The following SNTG1 variants were observed in gnomAD, a reference collection of about 807,000 sequenced individuals.
SNTG1 encodes the protein syntrophin gamma 1, also known as gamma-1-syntrophin.
A neutral mutation model predicts 74.7 loss-of-function variants in SNTG1; 39 were observed. The observed-to-expected ratio is 0.52, with a 90% CI of 0.40 to 0.68. The LOEUF (loss-of-function observed/expected upper bound fraction) is 0.68, where lower values mean the gene tolerates loss of function less well. Among genes scored for constraint, SNTG1 ranks in the 30% least tolerant of loss-of-function variants. The pLI is 0.00. For synonymous variants in SNTG1, 254 were observed against 217.1 expected (o/e 1.17, Z -1.49); for missense variants, 685 against 609.5 (o/e 1.12, Z -1.30).
intron 2 of SNTG1, among the ~76,000 whole-genome samples, chr8:50,266,684 GTATA>G (rs1554623724): frequency 8.0e-5 from 11 of 136,804 alleles, no homozygotes; most frequent in African/African-American, 2.9e-4. Context: ...GTGTGTGTGT[GTATA>G]TATATATATA....
intron 2 of SNTG1, among the ~76,000 whole-genome samples, chr8:50,238,648 T>G (rs984638245): frequency 3.9e-5 from 6 of 152,156 alleles, no homozygotes; most frequent in African/African-American, 1.4e-4. Context: ...AAGTGGGACC[T>G]AATTAAGCTA....
chr8:50,742,576 T>A (rs960177034), intron 17 of SNTG1, among the ~76,000 whole-genome samples: 2 of 151,342 alleles, frequency 1.3e-5, no homozygotes, highest in African/African-American at 4.8e-5. Flanking sequence ...CAAAAACTCA[T>A]CTAAAAATAA....
chr8:50,452,080 T>A (rs1220071385), intron 8 of SNTG1, among the ~76,000 whole-genome samples: 1 of 152,192 alleles, frequency 6.6e-6, no homozygotes, highest in Non-Finnish European at 1.5e-5. Context: ...ACCTCAAGTG[T>A]CTGTGAAAAG....
chr8:50,056,500 C>A (rs1191696737), intron 1 of SNTG1, among the ~76,000 whole-genome samples: 1 of 152,174 alleles, frequency 6.6e-6, no homozygotes, highest in African/African-American at 2.4e-5. Context: ...AGTTTGGAAT[C>A]ATCTTTCAAG....
At chr8:49,936,056 C>T (rs2129364835) in intron 1 of SNTG1, among the ~76,000 whole-genome samples, 2 of 152,098 alleles carry the variant, frequency 1.3e-5, no homozygotes, top group Admixed American at 1.3e-4. Context: ...TGTTTATGAA[C>T]ACTGAAAAAA....
intron 1 of SNTG1, among the ~76,000 whole-genome samples, chr8:50,002,334 C>G (rs1019283639): frequency 6.6e-6 from 1 of 151,864 alleles, no homozygotes; most frequent in South Asian, 2.1e-4. Context: ...TCCCAAGTAC[C>G]TTGTGATCTT....
At chr8:50,052,274 C>CT (rs1472843543) in intron 1 of SNTG1, among the ~76,000 whole-genome samples, 1 of 151,994 alleles carries the variant, frequency 6.6e-6, no homozygotes, top group Non-Finnish European at 1.5e-5. Flanking sequence ...CAGTTTTACA[C>CT]TAAAATTCAT....
Position 50,355,766 on chromosome 8 carries a change from A to G in SNTG1, c.-27-38446A>G, listed in dbSNP as rs2091800381. ...TTCCTATGGTATAAGAGGAAAGAGG[A>G]TTTCATTTTAAGACAATAAAACCCT... On this transcript the variant is annotated intron_variant, in intron 2 of 18. Coordinates refer to ENST00000642720, the MANE Select transcript of SNTG1 (RefSeq NM_018967.5). 2.0e-5 allele frequency among the ~76,000 whole-genome samples: 3 copies of G among 152,288 alleles called. No individual in the cohort carries two copies. In the South Asian group the frequency reaches 6.2e-4, roughly 32 times the overall value.
At chr8:50,483,918 C>T (rs1396738939) in intron 8 of SNTG1, among the ~76,000 whole-genome samples, 3 of 152,046 alleles carry the variant, frequency 2.0e-5, no homozygotes, top group Non-Finnish European at 4.4e-5. Flanking sequence ...AAATGTGGTA[C>T]ATAGTTTTCA....
chr8:49,935,989 CGAATT>C (rs1808048966), intron 1 of SNTG1, among the ~76,000 whole-genome samples: 1 of 151,940 alleles, frequency 6.6e-6, no homozygotes, highest in Admixed American at 6.6e-5. Flanking sequence ...TTTAAAGGGA[CGAATT>C]GATTATGTGA....
chr8:50,461,477 A>G (rs1485137866), intron 8 of SNTG1, among the ~76,000 whole-genome samples: 1 of 152,084 alleles, frequency 6.6e-6, no homozygotes, highest in Non-Finnish European at 1.5e-5. Context: ...CTATCTACAT[A>G]ATTATTTAGA....
At chr8:50,472,673 C>G (rs1044146733) in intron 8 of SNTG1, among the ~76,000 whole-genome samples, 1 of 151,960 alleles carries the variant, frequency 6.6e-6, no homozygotes, top group Admixed American at 6.6e-5. Context: ...ATAAATTGTA[C>G]TAAATCAAAA....
chr8:49,950,101 T>A (rs1192961855), intron 1 of SNTG1, among the ~76,000 whole-genome samples: 2 of 152,276 alleles, frequency 1.3e-5, no homozygotes, highest in East Asian at 3.9e-4. Flanking sequence ...CACTCCAGTC[T>A]GAGATACAGA....
At chr8:50,478,712 T>G (rs1421794855) in intron 8 of SNTG1, among the ~76,000 whole-genome samples, 1 of 152,182 alleles carries the variant, frequency 6.6e-6, no homozygotes, top group Non-Finnish European at 1.5e-5. Context: ...GCTCTGTTAT[T>G]TAAATGTTGG....
intron 2 of SNTG1, among the ~76,000 whole-genome samples, chr8:50,274,531 T>A (rs76661173): frequency 1.3e-5 from 2 of 152,144 alleles, no homozygotes; most frequent in Non-Finnish European, 2.9e-5. Context: ...AATTTGTATA[T>A]TTTAAAATTT....
intron 8 of SNTG1, among the ~76,000 whole-genome samples, chr8:50,501,611 ATTTTTTTTTT>A (rs57220646): frequency 7.5e-6 from 1 of 134,150 alleles, no homozygotes; most frequent in Non-Finnish European, 1.7e-5. Flanking sequence ...ATTTTTTTTT[ATTTTTTTTTT>A]TTTTTTTTGT....
At chr8:50,203,351 A>T (rs1240875786) in intron 2 of SNTG1, among the ~76,000 whole-genome samples, 1 of 152,062 alleles carries the variant, frequency 6.6e-6, no homozygotes, top group African/African-American at 2.4e-5. Flanking sequence ...AGGTAAGACA[A>T]TCTCAGCTGT....
intron 12 of SNTG1, among the ~76,000 whole-genome samples, chr8:50,582,465 T>C (rs1278653230): frequency 1.3e-5 from 2 of 152,100 alleles, no homozygotes; most frequent in African/African-American, 4.8e-5. Flanking sequence ...CTGATAAGTA[T>C]CCTCTATACT....
At chr8:50,579,223 G>C (rs1246523795) in intron 12 of SNTG1, among the ~76,000 whole-genome samples, 7 of 152,172 alleles carry the variant, frequency 4.6e-5, no homozygotes, top group Non-Finnish European at 1.0e-4. Context: ...TATTCAATGA[G>C]ACTGGTGGCA....
Sources: allele counts gnomAD v4.1 joint callset (sites outside exome capture counted in the v4.1 genomes callset), GRCh38; gene constraint gnomAD v4.1.1; transcripts MANE v1.5; gene names NCBI Gene and HGNC (gene_info 2026-07-23, HGNC 2026-07-21).